UBA7: variants seen among roughly 807,000 people sequenced by gnomAD.
The protein encoded by UBA7 is ubiquitin-like modifier-activating enzyme 7.
UBA7 carries 88 observed loss-of-function variants against 113.0 expected under a neutral mutation model. The observed-to-expected ratio is 0.78, with a 90% CI of 0.66 to 0.93. The LOEUF (loss-of-function observed/expected upper bound fraction) is 0.93. Among genes scored for constraint, UBA7 ranks in the 40% least tolerant of loss-of-function variants. UBA7 has a pLI of 0.00. For missense variants in UBA7, 1,092 were observed against 1,266.4 expected, an observed-to-expected ratio of 0.86 and a Z score of 2.09; for synonymous variants, 459 against 513.0, an observed-to-expected ratio of 0.89 and a Z score of 1.42.
rs146399926 is a variant in UBA7 at position 49,813,211 on chromosome 3, G to A, written c.360+38C>T. 4.3e-5 allele frequency: 70 copies of A among 1,613,642 alleles called. No homozygotes were observed. The East Asian group carries it at 1.5e-3, about 35-fold the overall frequency. ...TCAGCAGGGCCAAAACCATTGCCCA[G>A]CCCTTCCTGCTCTTGAGGGCTGCAG... On this transcript the variant is annotated intron_variant, in intron 3 of 23. Coordinates refer to ENST00000333486, the MANE Select transcript of UBA7 (RefSeq NM_003335.3).
At chr3:49,809,333 C>T in intron 17 of UBA7, 57 bp downstream of exon 17, 12 of 1,592,116 alleles carry the variant, frequency 7.5e-6, no homozygotes, top group Non-Finnish European at 1.0e-5. Flanking sequence ...GAAATGCCTA[C>T]CTCTGCTCTG....
At position 49,810,333 on chromosome 3, in the gene UBA7, C is replaced by T; in HGVS notation, c.1563G>A (p.Glu521=). The change falls in exon 13 of 24, where the codon GAG becomes GAA. Residue 521 remains glutamate, a synonymous_variant. Transcript: ENST00000333486. This position sits in a 1 kb window ranked among gnomAD's most constrained non-coding sequence, Gnocchi z 5.6. Reference sequence around the variant, plus strand: ...AGAAAAAGTTATCCCCATAGATGTGCTCTGTGGTGGGATCCAGTGGGTAGG... The same window carrying T: ...AGAAAAAGTTATCCCCATAGATGTGTTCTGTGGTGGGATCCAGTGGGTAGG... ...PLTYPLDPTT[E]HIYGDNFFSR... is the part of the protein sequence containing the mutation. 6.2e-7 allele frequency: 1 copy of T among 1,614,164 alleles called. No individual in the cohort carries two copies. Among genetic ancestry groups the T allele is most frequent in the African/African-American group, 1.3e-5 (1 of 75,034 alleles).
Position 49,810,904 on chromosome 3 carries a change from A to C in UBA7, c.1231-72T>G, listed in dbSNP as rs559615153. ...CTTCTTATACTGAGTTTTCTGAATC[A>C]GGACCTGGAGGGCATTCCTCATGCT... is the stretch of plus-strand genomic sequence containing the variant. On this transcript the variant is annotated intron_variant, in intron 10 of 23. Transcript: ENST00000333486. The surrounding 1 kb of genome is among the most constrained non-coding windows in gnomAD (Gnocchi z 5.6). 1 of 1,610,728 alleles carries C rather than the reference A, an allele frequency of 6.2e-7. No individual in the cohort carries two copies. The highest frequency in any genetic ancestry group is 2.2e-5 in the East Asian group (1 of 44,868).
chr3:49,808,405 T>A lies in UBA7; in HGVS notation c.2411A>T (p.Lys804Met), dbSNP rs2081489875. ...ACCCACCTTCTCAAACATCAGAGGC[T>A]TCAGGGGAGGGCCCACACTCCAGAC... The part of the protein sequence containing the change: ...LEVWSVGPPL[K>M]PLMFEKDDDS... Residue 804 changes from lysine to methionine, a missense_variant, in exon 19 of 24, where the codon AAG becomes ATG. Lys to Met is a moderately conservative substitution (Grantham distance 95). Coordinates refer to ENST00000333486, the MANE Select transcript of UBA7 (RefSeq NM_003335.3). 12 of 1,614,194 alleles carry A rather than the reference T, an allele frequency of 7.4e-6. No homozygotes were observed. The highest frequency in any genetic ancestry group is 9.3e-6 in the Non-Finnish European group (11 of 1,180,020).
chr3:49,812,349 T>G, intron 6 of UBA7, 59 bp downstream of exon 6: 4 of 1,612,220 alleles, frequency 2.5e-6, no homozygotes, highest in Non-Finnish European at 3.4e-6. Flanking sequence ...GGCCAGGCTG[T>G]GCTCACTTCC....
Position 49,808,319 on chromosome 3 carries a change from T to G in UBA7, c.2430+67A>C, listed in dbSNP as rs561275777. 2.2e-5 allele frequency: 35 copies of G among 1,601,374 alleles called. No homozygotes were observed. In the Middle Eastern group the frequency reaches 1.2e-3, roughly 56 times the overall value. ...CAGGCCAAGGGGCTCCAAAACTACCTTATTAGCTCCTGACCTTTCTCCACA... is the reference window on the plus strand; with the variant it reads ...CAGGCCAAGGGGCTCCAAAACTACCGTATTAGCTCCTGACCTTTCTCCACA... On this transcript the variant is annotated intron_variant, in intron 19 of 23. Transcript: ENST00000333486.
At chr3:49,809,279 A>C (rs2081503104) in intron 17 of UBA7, 111 bp downstream of exon 17, 1 of 1,539,580 alleles carries the variant, frequency 6.5e-7, no homozygotes, top group Admixed American at 1.8e-5. Flanking sequence ...ATATATGCAC[A>C]AGCATGGCTC....
intron 1 of UBA7, 36 bp downstream of exon 1, chr3:49,813,696 A>G (rs2081587269): frequency 7.4e-6 from 12 of 1,614,152 alleles, no homozygotes; most frequent in Non-Finnish European, 1.0e-5. Flanking sequence ...AGGTCTGAAG[A>G]CCATCCCACT....
chr3:49,810,563 C>A lies in UBA7; in HGVS notation c.1421G>T (p.Arg474Leu). 3 of 1,614,100 alleles carry A rather than the reference C, an allele frequency of 1.9e-6. No homozygotes were observed. The highest frequency in any genetic ancestry group is 2.5e-6 in the Non-Finnish European group (3 of 1,180,022). ...LTVVDMDHIE[R>L]SNLSRQFLFR... is the part of the protein sequence containing the mutation. ...GAGGAACTGACGGCTGAGATTGGAG[C>A]GCTCTATGTGGTCCATGTCAACAAC... Residue 474 changes from arginine (R) to leucine (L), a missense_variant, in exon 12 of 24, where the codon CGC becomes CTC. By Grantham distance (102) the Arg-to-Leu change is moderately radical (BLOSUM62 -2). Coordinates refer to ENST00000333486, the MANE Select transcript of UBA7 (RefSeq NM_003335.3). This position sits in a 1 kb window ranked among gnomAD's most constrained non-coding sequence, Gnocchi z 5.6.
intron 18 of UBA7, 73 bp downstream of exon 18, chr3:49,808,903 C>T: frequency 6.5e-7 from 1 of 1,529,764 alleles, no homozygotes; most frequent in Admixed American, 2.1e-5. Context: ...CTTCCTTCTG[C>T]AGCACAGGCT....
Position 49,807,019 on chromosome 3 carries a change from C to T in UBA7, c.2715+717G>A, listed in dbSNP as rs2081464749. The stretch of plus-strand genomic sequence containing the variant: ...CATTCCTTCTACCCTCATCCTTGCC[C>T]CAAGGAAATGCCAACTGCAGAGCCT... On this transcript the variant is annotated intron_variant, in intron 21 of 23. Coordinates refer to ENST00000333486, the MANE Select transcript of UBA7 (RefSeq NM_003335.3). The surrounding 1 kb of genome is among the most constrained non-coding windows in gnomAD (Gnocchi z 4.0). 6.6e-6 allele frequency among the ~76,000 whole-genome samples: 1 copy of T among 152,156 alleles called. No individual in the cohort carries two copies. Among genetic ancestry groups the T allele is most frequent in the South Asian group, 2.1e-4 (1 of 4,828 alleles).
intron 4 of UBA7, 116 bp from the exon 5 acceptor site, chr3:49,812,854 G>T: frequency 1.5e-6 from 2 of 1,311,394 alleles, no homozygotes; most frequent in South Asian, 2.5e-5. Flanking sequence ...GAGAGGCTTG[G>T]GAACTAGAAT....
Position 49,809,801 on chromosome 3 carries a change from G to C in UBA7, c.1904+14C>G, listed in dbSNP as rs2081513727. The C allele has an allele frequency of 1.2e-6, 2 of 1,614,158 alleles. No homozygotes were observed. Among genetic ancestry groups the C allele is most frequent in the Non-Finnish European group, 1.7e-6 (2 of 1,180,036 alleles). ...GAGCCCTGGACTCCCATCTGCCTCT[G>C]TTGGTGGCCTTACTGTTGGTGGTGG... On this transcript the variant is annotated intron_variant, in intron 15 of 23. Coordinates refer to ENST00000333486, the MANE Select transcript of UBA7 (RefSeq NM_003335.3).
chr3:49,806,178 AGAG>A lies in UBA7; in HGVS notation c.2716-16_2716-14del, dbSNP rs779326683. The A allele has an allele frequency of 7.6e-6, 12 of 1,582,308 alleles. No homozygotes were observed. The Admixed American group carries it at 1.8e-4, about 24-fold the overall frequency. ...TCAGGTGATGGAACTGGGATGAGGT[AGAG>A]GAGGAGTCAGAGACTTCTTACCTCC... On this transcript the variant is annotated splice_polypyrimidine_tract_variant and intron_variant, in intron 21 of 23. Coordinates refer to ENST00000333486, the MANE Select transcript of UBA7 (RefSeq NM_003335.3).
At position 49,813,871 on chromosome 3, in the gene UBA7, C is replaced by G; in HGVS notation, c.-84G>C. The G allele has an allele frequency of 1.3e-6, 2 of 1,530,500 alleles. No individual in the cohort carries two copies. Among genetic ancestry groups the G allele is most frequent in the Non-Finnish European group, 1.8e-6 (2 of 1,117,056 alleles). 94.8% of individuals were successfully genotyped at this position (1,530,500 alleles called of 1,614,324 possible). A position where few individuals can be genotyped will look rare whatever the true frequency, so the allele number is the denominator to read the frequency against. The stretch of plus-strand genomic sequence containing the variant: ...GTGGCGGTGACAGTAGGGGCCAGTG[C>G]CCTGCTGTAGCCAGTGCAAACAGGA... On this transcript the variant is annotated 5_prime_UTR_variant, in exon 1 of 24. Transcript: ENST00000333486.
Position 49,811,926 on chromosome 3 carries a change from A to T in UBA7, c.883T>A (p.Cys295Ser). The stretch of plus-strand genomic sequence containing the variant: ...AGGTGCTGGAACTTGTGCAGTGCAC[A>T]GAAGGCCTGATGCAGGCAGTGGGCA... ...HHAHCLHQAF[C>S]ALHKFQHLHG... Residue 295 changes from cysteine to serine, a missense_variant, in exon 8 of 24, where the codon TGT becomes AGT. By Grantham distance (112) the Cys-to-Ser change is moderately radical (BLOSUM62 -1). Transcript: ENST00000333486. The T allele has an allele frequency of 1.2e-6, 2 of 1,614,228 alleles. No homozygotes were observed. The highest frequency in any genetic ancestry group is 1.7e-6 in the Non-Finnish European group (2 of 1,180,048).
chr3:49,813,308 C>T lies in UBA7; in HGVS notation c.301G>A (p.Ala101Thr), dbSNP rs201314276. The change falls in exon 3 of 24, where the codon GCT becomes ACT. Residue 101 changes from alanine (A) to threonine (T), a missense_variant. Around this residue, in one of 3 missense-constraint regions of UBA7, gnomAD observed 584 missense variants for 714.5 expected, o/e 0.82. Transcript: ENST00000333486. Reference protein sequence around the residue: ...SQELLAQLNRAVQVVVHTGDI... With the variant: ...SQELLAQLNRTVQVVVHTGDI... Reference sequence around the variant, plus strand: ...CCCGTGTGCACGACGACCTGGACAGCTCTGTTGAGCTGAGCCAAGAGCTCT... The same window carrying T: ...CCCGTGTGCACGACGACCTGGACAGTTCTGTTGAGCTGAGCCAAGAGCTCT... 1 of 1,614,212 alleles carries T rather than the reference C, an allele frequency of 6.2e-7. No individual in the cohort carries two copies. Among genetic ancestry groups the T allele is most frequent in the African/African-American group, 1.3e-5 (1 of 75,080 alleles).
chr3:49,811,806 C>T (rs1366807688), intron 8 of UBA7, 64 bp downstream of exon 8: 8 of 1,596,720 alleles, frequency 5.0e-6, no homozygotes, highest in Middle Eastern at 2.3e-4. Flanking sequence ...GTCATTGTTG[C>T]CTCTGGCAGG....
chr3:49,809,090 G>T lies in UBA7; in HGVS notation c.2233C>A (p.Gln745Lys). The T allele has an allele frequency of 1.2e-6, 2 of 1,613,696 alleles. No homozygotes were observed. The highest frequency in any genetic ancestry group is 1.7e-6 in the Non-Finnish European group (2 of 1,179,912). ...AGCTCCCTGAGTGCAGTCCAGTCCT[G>T]TGAGCCAGGCAGCCCATGCATCTGG... ...YAQMHGLPGS[Q>K]DWTALRELLK... is the part of the protein sequence containing the mutation. The change falls in exon 18 of 24, where the codon CAG becomes AAG. Residue 745 changes from glutamine to lysine, a missense_variant. By Grantham distance (53) the Gln-to-Lys change is moderately conservative (BLOSUM62 1). Around this residue, in one of 3 missense-constraint regions of UBA7, gnomAD observed 500 missense variants for 529.3 expected, o/e 0.94. Coordinates refer to ENST00000333486, the MANE Select transcript of UBA7 (RefSeq NM_003335.3).
Sources: allele counts gnomAD v4.1 joint callset (sites outside exome capture counted in the v4.1 genomes callset), GRCh38; gene constraint gnomAD v4.1.1; regional missense constraint gnomAD v4.1.1; non-coding constraint Gnocchi (gnomAD v3.1); transcripts MANE v1.5; gene names NCBI Gene and HGNC (gene_info 2026-07-23, HGNC 2026-07-21).